Variants in FKBP5 observed in about 807,000 individuals in gnomAD.
The protein encoded by FKBP5 is FKBP prolyl isomerase 5, also known as peptidyl-prolyl cis-trans isomerase FKBP5.
A neutral mutation model predicts 50.5 loss-of-function variants in FKBP5; 23 were observed. That is an observed-to-expected ratio of 0.46 (90% confidence interval 0.33 to 0.65). The LOEUF is 0.65. Among genes scored for constraint, FKBP5 ranks in the 30% least tolerant of loss-of-function variants. The probability of loss-of-function intolerance (pLI) is 0.02; values close to 1 mark genes in which losing one functional copy is unlikely to be tolerated. For synonymous variants in FKBP5, 176 were observed against 190.6 expected (o/e 0.92, Z 0.63); for missense variants, 411 against 553.1 (o/e 0.74, Z 2.58).
At chr6:35,657,779 G>T (rs186511199) in intron 1 of FKBP5, among the ~76,000 whole-genome samples, 93 of 151,966 alleles carry the variant, frequency 6.1e-4, no homozygotes, top group African/African-American at 2.1e-3. Context: ...TACTTAGGGG[G>T]TCTCACAACA....
chr6:35,727,416 G>A (rs75552415), intron 1 of FKBP5, among the ~76,000 whole-genome samples: 3,414 of 152,266 alleles, frequency 0.022, 48 homozygotes, highest in Middle Eastern at 0.065. Context: ...GTTTGGGGTC[G>A]TCTTCCTTGG....
At chr6:35,611,884 AAAGG>A (rs2150972671) in intron 5 of FKBP5, among the ~76,000 whole-genome samples, 1 of 152,362 alleles carries the variant, frequency 6.6e-6, no homozygotes, top group African/African-American at 2.4e-5. Flanking sequence ...CAAATTATGA[AAAGG>A]AAGTAAAAGT....
chr6:35,702,522 G>A (rs895046579), intron 2 of FKBP5, among the ~76,000 whole-genome samples: 5 of 150,398 alleles, frequency 3.3e-5, no homozygotes, highest in East Asian at 3.9e-4. Flanking sequence ...GCATGATCTC[G>A]GCTCACTGCA....
At chr6:35,579,950 AC>A in intron 9 of FKBP5, 85 bp downstream of exon 9, 1 of 1,043,826 alleles carries the variant, frequency 9.6e-7, no homozygotes, top group Non-Finnish European at 1.4e-6. Context: ...AAATCCTGCA[AC>A]CTTTGGCTGA....
chr6:35,704,109 A>G (rs1402995989), intron 2 of FKBP5, among the ~76,000 whole-genome samples: 2 of 152,172 alleles, frequency 1.3e-5, no homozygotes, highest in African/African-American at 4.8e-5. Context: ...TGTAAGTAAG[A>G]TCCACTAATG....
intron 2 of FKBP5, among the ~76,000 whole-genome samples, chr6:35,700,824 T>C (rs898258265): frequency 6.6e-6 from 1 of 152,056 alleles, no homozygotes; most frequent in Non-Finnish European, 1.5e-5. Context: ...CCGGGCATGG[T>C]GGTGCACACC....
intron 1 of FKBP5, among the ~76,000 whole-genome samples, chr6:35,723,115 C>A (rs572218692): frequency 3.3e-4 from 50 of 152,236 alleles, no homozygotes; most frequent in Middle Eastern, 3.4e-3. Context: ...GGCCTGTAAT[C>A]CCAGCTACTT....
At position 35,630,761 on chromosome 6, in the gene FKBP5, T is replaced by C. The variant is rs920855729; in HGVS notation, c.250+6253A>G. On this transcript the variant is annotated intron_variant, in intron 3 of 10. Transcript: ENST00000357266. ...CTCTGTACCTTAGTCTGTAATATAGTAAACAAAAAATCACATCAAACCAAA... is the reference window on the plus strand; with the variant it reads ...CTCTGTACCTTAGTCTGTAATATAGCAAACAAAAAATCACATCAAACCAAA... Among the ~76,000 whole-genome samples the C allele has an allele frequency of 3.3e-5, 5 of 152,028 alleles. No homozygotes were observed. The East Asian group carries it at 9.6e-4, about 29-fold the overall frequency.
chr6:35,723,929 C>T (rs1467301841), intron 1 of FKBP5, among the ~76,000 whole-genome samples: 1 of 152,254 alleles, frequency 6.6e-6, no homozygotes, highest in Admixed American at 6.5e-5. Context: ...CCCCAGACAG[C>T]AACTACAAAC....
intron 2 of FKBP5, among the ~76,000 whole-genome samples, chr6:35,694,508 T>C (rs749670602): frequency 2.6e-5 from 4 of 152,220 alleles, no homozygotes; most frequent in Non-Finnish European, 5.9e-5. Flanking sequence ...GTTTTGGACA[T>C]TGTATTTTAA....
intron 3 of FKBP5, 51 bp from the exon 4 acceptor site, chr6:35,620,325 T>C (rs1763794285): frequency 1.3e-6 from 2 of 1,570,514 alleles, no homozygotes; most frequent in South Asian, 1.2e-5. Flanking sequence ...TTTAAAAAGA[T>C]TTAACTTTCA....
intron 2 of FKBP5, among the ~76,000 whole-genome samples, chr6:35,711,799 G>A (rs1006311827): frequency 9.2e-5 from 14 of 152,120 alleles, no homozygotes; most frequent in Non-Finnish European, 1.6e-4. Context: ...TAAATTATGC[G>A]CATGTAAAGT....
intron 4 of FKBP5, 92 bp downstream of exon 4, chr6:35,620,040 C>A (rs1356494752): frequency 4.1e-6 from 6 of 1,469,446 alleles, no homozygotes; most frequent in Non-Finnish European, 5.7e-6. Flanking sequence ...TTCTCTATAG[C>A]AAGCTTAGCT....
chr6:35,709,150 T>C (rs539568378), intron 2 of FKBP5, among the ~76,000 whole-genome samples: 2 of 152,286 alleles, frequency 1.3e-5, no homozygotes, highest in South Asian at 4.1e-4. Context: ...CTCACAATCA[T>C]GATGGAAGGC....
At chr6:35,716,662 T>C (rs956444698) in intron 2 of FKBP5, among the ~76,000 whole-genome samples, 5 of 152,102 alleles carry the variant, frequency 3.3e-5, no homozygotes, top group Non-Finnish European at 5.9e-5. Context: ...CTGAATTGGA[T>C]TTAATGGAAT....
intron 1 of FKBP5, among the ~76,000 whole-genome samples, chr6:35,724,841 TCA>T (rs370779274): frequency 5.4e-4 from 82 of 151,854 alleles, no homozygotes; most frequent in Non-Finnish European, 8.1e-4. Context: ...TTTCTGAGCC[TCA>T]GTTTCCTTAA....
chr6:35,629,239 G>A (rs1764083188), intron 3 of FKBP5, among the ~76,000 whole-genome samples: 1 of 152,006 alleles, frequency 6.6e-6, no homozygotes, highest in African/African-American at 2.4e-5. Flanking sequence ...TGAGAAAGCT[G>A]GGACTATAGG....
chr6:35,588,878 A>G (rs960785921), intron 7 of FKBP5, among the ~76,000 whole-genome samples: 13 of 150,604 alleles, frequency 8.6e-5, no homozygotes, highest in African/African-American at 2.2e-4. Context: ...GTAGCTGGAA[A>G]TATAGGAATG....
At chr6:35,600,157 A>C (rs1763099712) in intron 5 of FKBP5, among the ~76,000 whole-genome samples, 1 of 152,226 alleles carries the variant, frequency 6.6e-6, no homozygotes, top group African/African-American at 2.4e-5. Flanking sequence ...TCACGGGACC[A>C]CTGTCCTATG....
Sources: gnomAD v4.1 joint callset for allele counts (sites outside exome capture counted in the v4.1 genomes callset) on GRCh38, gnomAD v4.1.1 for gene constraint, MANE v1.5 for transcripts, NCBI Gene and HGNC (gene_info 2026-07-23, HGNC 2026-07-21) for gene names.